SHROOM4: variants seen among roughly 807,000 people sequenced by gnomAD.
The protein encoded by SHROOM4 is shroom family member 4, also known as protein Shroom4.
SHROOM4 carries 17 observed loss-of-function variants against 80.3 expected under a neutral mutation model. The observed-to-expected ratio is 0.21, with a 90% CI of 0.14 to 0.32. The LOEUF is 0.32. Among genes scored for constraint, SHROOM4 ranks in the 10% least tolerant of loss-of-function variants. The probability of loss-of-function intolerance (pLI) is 1.00; values close to 1 mark genes in which losing one functional copy is unlikely to be tolerated. For synonymous variants in SHROOM4, 400 were observed against 437.5 expected, an observed-to-expected ratio of 0.91 and a Z score of 1.07; for missense variants, 993 against 1,140.3, an observed-to-expected ratio of 0.87 and a Z score of 1.86.
At chrX:50,695,681 C>T in intron 2 of SHROOM4, 105 bp downstream of exon 2, 1 of 941,387 alleles carries the variant, frequency 1.1e-6, no homozygotes, top group South Asian at 2.0e-5. Context: ...AAGTGAAACA[C>T]CTCTTTCCTT....
chrX:50,641,013 A>T (rs1557257073), intron 2 of SHROOM4, among the ~76,000 whole-genome samples: 2 of 112,462 alleles, frequency 1.8e-5, no homozygotes, highest in African/African-American at 6.5e-5. Context: ...CAAGGCCTCG[A>T]CCAATCATAG....
chrX:50,719,616 C>T (rs1178298407), intron 1 of SHROOM4, among the ~76,000 whole-genome samples: 2 of 112,234 alleles, frequency 1.8e-5, no homozygotes, highest in Non-Finnish European at 3.8e-5. Flanking sequence ...TCCTTTTCTT[C>T]TCCCCGCCTA....
chrX:50,670,382 A>G (rs1269173656), intron 2 of SHROOM4, among the ~76,000 whole-genome samples: 1 of 108,081 alleles, frequency 9.3e-6, no homozygotes, highest in Non-Finnish European at 1.9e-5. Context: ...TTCTTGTGTT[A>G]GTTTTCTGAG....
chrX:50,812,747 AC>A (rs1288524488), intron 1 of SHROOM4, among the ~76,000 whole-genome samples: 8 of 69,726 alleles, frequency 1.1e-4, no homozygotes, highest in African/African-American at 3.5e-4. Context: ...GTTGAACCCC[AC>A]CCCCCCGCAA....
chrX:50,740,386 A>G (rs1934625355), intron 1 of SHROOM4, among the ~76,000 whole-genome samples: 1 of 112,030 alleles, frequency 8.9e-6, no homozygotes, highest in South Asian at 3.8e-4. Flanking sequence ...AAAAGGGTCA[A>G]TCAATTGGGA....
intron 5 of SHROOM4, among the ~76,000 whole-genome samples, chrX:50,609,671 G>GTA (rs1557249442): frequency 2.2e-5 from 2 of 90,828 alleles, no homozygotes; most frequent in Non-Finnish European, 4.6e-5. Context: ...GGATATGTGT[G>GTA]TGTGTGTGTG....
chrX:50,732,509 A>G (rs1557266386), intron 1 of SHROOM4, among the ~76,000 whole-genome samples: 1 of 112,261 alleles, frequency 8.9e-6, no homozygotes, highest in Non-Finnish European at 1.9e-5. Flanking sequence ...TAGTTCTTTG[A>G]AAAGATCAGA....
chrX:50,795,126 TGATATATATATATATATATG>T lies in SHROOM4; in HGVS notation c.117+18756_117+18775del, dbSNP rs1935964704. On this transcript the variant is annotated intron_variant, in intron 1 of 8. Transcript: ENST00000376020. ...GATATATATATATGATATATATATA[TGATATATATATATATATATG>T]ATATATATATATATATATATGATAT... Among the ~76,000 whole-genome samples, 18 of 3,332 alleles carry T rather than the reference TGATATATATATATATATATG, an allele frequency of 5.4e-3. 2 individuals carry two copies. The highest frequency in any genetic ancestry group is 7.8e-3 in the African/African-American group (18 of 2,306). The allele number at this position is 3,332 out of a possible 115,157, so 2.9% of individuals were successfully genotyped here. A position where few individuals can be genotyped will look rare whatever the true frequency, so the allele number is the denominator to read the frequency against.
At chrX:50,672,896 A>C (rs150260644) in intron 2 of SHROOM4, among the ~76,000 whole-genome samples, 2,589 of 111,993 alleles carry the variant, frequency 0.023, 83 homozygotes, top group African/African-American at 0.078. Context: ...TTTTTCAACT[A>C]CTGAAAGAAA....
rs782127144 is a variant in SHROOM4, at chrX:50,791,577, C to CTTTTTTTTT, written c.117+22316_117+22324dup. On this transcript the variant is annotated intron_variant, in intron 1 of 8. Coordinates refer to ENST00000376020, the MANE Select transcript of SHROOM4 (RefSeq NM_020717.5). ...TACAGGCATGTGCTACCATGCCTGA[C>CTTTTTTTTT]TTTTTTTTTTTTTTTTTTTTTTTTT... Among the ~76,000 whole-genome samples the CTTTTTTTTT allele has an allele frequency of 5.2e-5, 3 of 57,991 alleles. 1 individual carries two copies. The highest frequency in any genetic ancestry group is 1.8e-4 in the African/African-American group (2 of 11,173). The allele number at this position is 57,991 out of a possible 115,157, so 50.4% of individuals were successfully genotyped here.
chrX:50,772,008 ATGTGTGTG>A (rs10581172), intron 1 of SHROOM4, among the ~76,000 whole-genome samples: 59 of 102,935 alleles, frequency 5.7e-4, no homozygotes, highest in South Asian at 9.5e-4. Context: ...CTTGTTTTTT[ATGTGTGTG>A]TGTGTGTGTG....
At chrX:50,620,586 T>C (rs1384728911) in intron 5 of SHROOM4, among the ~76,000 whole-genome samples, 1 of 112,291 alleles carries the variant, frequency 8.9e-6, no homozygotes, top group African/African-American at 3.2e-5. Context: ...TTTTTCTAGA[T>C]TGCCCTCTAG....
chrX:50,592,304 G>A lies in SHROOM4; in HGVS notation c.*4391C>T, dbSNP rs1928918799. The A allele has an allele frequency of 3.2e-5, 9 of 281,645 alleles. No individual in the cohort carries two copies. The highest frequency in any genetic ancestry group is 5.4e-5 in the Non-Finnish European group (8 of 147,816). 23.2% of individuals were successfully genotyped at this position (281,645 alleles called of 1,213,427 possible). A position where few individuals can be genotyped will look rare whatever the true frequency, so the allele number is the denominator to read the frequency against. ...TCAGACTGCTATCACTGGGTTTGGG[G>A]TGGGCCTGGGATTCTGCCTAATAAC... is the stretch of plus-strand genomic sequence containing the variant. On this transcript the variant is annotated 3_prime_UTR_variant, in exon 9 of 9. Coordinates refer to ENST00000376020, the MANE Select transcript of SHROOM4 (RefSeq NM_020717.5).
At chrX:50,728,379 A>T (rs1557266045) in intron 1 of SHROOM4, among the ~76,000 whole-genome samples, 1 of 111,687 alleles carries the variant, frequency 9.0e-6, no homozygotes, top group African/African-American at 3.3e-5. Flanking sequence ...AAAGAAAAAA[A>T]AGAAATAGCC....
intron 1 of SHROOM4, among the ~76,000 whole-genome samples, chrX:50,717,362 C>T (rs782416262): frequency 1.3e-4 from 14 of 111,710 alleles, no homozygotes; most frequent in African/African-American, 2.9e-4. Context: ...GGACTACAGG[C>T]GACCGCCACC....
intron 1 of SHROOM4, among the ~76,000 whole-genome samples, chrX:50,799,048 C>T (rs1936069585): frequency 8.9e-6 from 1 of 112,215 alleles, no homozygotes; most frequent in Non-Finnish European, 1.9e-5. Flanking sequence ...CTATCTGAGG[C>T]TCTGTCCCTT....
chrX:50,710,603 G>A (rs565837787), intron 1 of SHROOM4, among the ~76,000 whole-genome samples: 6 of 111,196 alleles, frequency 5.4e-5, no homozygotes, highest in African/African-American at 1.3e-4. Context: ...TACCCTGAAC[G>A]TCAGCATCAC....
chrX:50,640,144 TCTACCA>T (rs1931533951), intron 2 of SHROOM4, among the ~76,000 whole-genome samples: 2 of 112,002 alleles, frequency 1.8e-5, no homozygotes, highest in South Asian at 7.6e-4. Context: ...TTGTCAAGCA[TCTACCA>T]GTAGTAGTAC....
intron 5 of SHROOM4, among the ~76,000 whole-genome samples, chrX:50,609,429 A>C: frequency 9.0e-6 from 1 of 111,455 alleles, no homozygotes; most frequent in Middle Eastern, 4.7e-3. Flanking sequence ...GTAAGGGATA[A>C]AGTATATTAT....
Sources: gnomAD v4.1 joint callset for allele counts (sites outside exome capture counted in the v4.1 genomes callset) on GRCh38, gnomAD v4.1.1 for gene constraint, MANE v1.5 for transcripts, NCBI Gene and HGNC (gene_info 2026-07-23, HGNC 2026-07-21) for gene names.